LPXN: variants seen among roughly 807,000 people sequenced by gnomAD.
LPXN encodes the protein leupaxin.
LPXN carries 28 observed loss-of-function variants against 45.6 expected under a neutral mutation model. That is an observed-to-expected ratio of 0.61 (90% confidence interval 0.45 to 0.84). The LOEUF is 0.84. LPXN is among the 40% of genes least tolerant of loss of function. LPXN has a pLI of 0.00. For missense variants in LPXN, 459 were observed against 475.0 expected (o/e 0.97, Z 0.31); for synonymous variants, 166 against 169.9 (o/e 0.98, Z 0.18).
At chr11:58,558,101 G>T (rs1176380674) in intron 3 of LPXN, among the ~76,000 whole-genome samples, 3 of 151,854 alleles carry the variant, frequency 2.0e-5, no homozygotes, top group Non-Finnish European at 4.4e-5. Context: ...TTGGGACCTG[G>T]AGTTGCGAAC....
At chr11:58,544,736 G>GT (rs1370493616) in intron 7 of LPXN, among the ~76,000 whole-genome samples, 5 of 152,126 alleles carry the variant, frequency 3.3e-5, no homozygotes, top group Admixed American at 6.6e-5. Flanking sequence ...ACAATTAAAA[G>GT]TGCCACAAAA....
intron 7 of LPXN, among the ~76,000 whole-genome samples, chr11:58,531,928 T>G (rs1369484686): frequency 6.6e-6 from 1 of 152,330 alleles, no homozygotes; most frequent in Non-Finnish European, 1.5e-5. Flanking sequence ...CAGCTCCCTC[T>G]GCCTGCGGGG....
chr11:58,555,930 A>T (rs912246193), intron 3 of LPXN, among the ~76,000 whole-genome samples: 1 of 152,130 alleles, frequency 6.6e-6, no homozygotes, highest in Non-Finnish European at 1.5e-5. Context: ...AAATAATTCA[A>T]CAGAAGGAAT....
intron 7 of LPXN, among the ~76,000 whole-genome samples, chr11:58,549,166 C>A (rs1168481639): frequency 6.6e-6 from 1 of 152,188 alleles, no homozygotes; most frequent in African/African-American, 2.4e-5. Flanking sequence ...GAGGCCAAGG[C>A]GGGCGGATCA....
At chr11:58,559,600 G>T (rs1325031048) in intron 3 of LPXN, among the ~76,000 whole-genome samples, 9 of 152,164 alleles carry the variant, frequency 5.9e-5, no homozygotes, top group Non-Finnish European at 1.3e-4. Context: ...TTCCAGCCTG[G>T]TGCAGTCACT....
intron 8 of LPXN, 121 bp downstream of exon 8, chr11:58,527,922 A>G: frequency 1.6e-6 from 2 of 1,236,356 alleles, no homozygotes; most frequent in South Asian, 1.4e-5. Flanking sequence ...TTTCTCCTTT[A>G]GGATGCGCAC....
At position 58,551,239 on chromosome 11, in the gene LPXN, C is replaced by A; in HGVS notation, c.319-7G>T. On this transcript the variant is annotated splice_region_variant and splice_polypyrimidine_tract_variant and intron_variant, in intron 4 of 8. Coordinates refer to ENST00000395074, the MANE Select transcript of LPXN (RefSeq NM_004811.3). ...CATCTGCTCTCACTGCAACCTGGCCCAAGGGAAGAACCAAGAACAGAATCA... is the reference window on the plus strand; with the variant it reads ...CATCTGCTCTCACTGCAACCTGGCCAAAGGGAAGAACCAAGAACAGAATCA... The A allele has an allele frequency of 6.3e-7, 1 of 1,597,196 alleles. No homozygotes were observed. Among genetic ancestry groups the A allele is most frequent in the Admixed American group, 1.8e-5 (1 of 56,424 alleles).
chr11:58,537,878 C>G (rs1447793629), intron 7 of LPXN, among the ~76,000 whole-genome samples: 5 of 148,980 alleles, frequency 3.4e-5, no homozygotes, highest in Middle Eastern at 3.5e-3. Flanking sequence ...CCCATTAACT[C>G]GTCATTTAGC....
rs758095279 is a variant in LPXN, at chr11:58,550,049, C to A, written c.584G>T (p.Gly195Val). 21 of 1,614,056 alleles carry A rather than the reference C, an allele frequency of 1.3e-5. No individual in the cohort carries two copies. The highest frequency in any genetic ancestry group is 1.5e-5 in the Non-Finnish European group (18 of 1,180,004). ...GTAGTCGTTGGGGCAGTAGGCCAAG[C>A]CACTCCGCTCAAAGAAGGGACTGGA... ...IGSSPFFERS[G>V]LAYCPNDYHQ... is the part of the protein sequence containing the mutation. Residue 195 changes from glycine (G) to valine (V), a missense_variant, in exon 6 of 9, where the codon GGC (glycine) becomes GTC (valine). Physicochemically the swap from Gly to Val is moderately radical, Grantham distance 109. Transcript: ENST00000395074.
In LPXN at chr11:58,564,209, A is replaced by G; in HGVS notation, c.172-8T>C. The G allele has an allele frequency of 6.3e-7, 1 of 1,594,888 alleles. No homozygotes were observed. The highest frequency in any genetic ancestry group is 8.6e-7 in the Non-Finnish European group (1 of 1,166,142). On this transcript the variant is annotated splice_polypyrimidine_tract_variant and splice_region_variant and intron_variant, in intron 2 of 8. Coordinates refer to ENST00000395074, the MANE Select transcript of LPXN (RefSeq NM_004811.3). ...AGTATACACGAGCTGCGCCTAAGAT[A>G]TATAAGTGACAAGAGAAGAGCAAAG...
intron 2 of LPXN, among the ~76,000 whole-genome samples, chr11:58,569,087 T>C (rs770761288): frequency 6.6e-6 from 1 of 152,178 alleles, no homozygotes; most frequent in Non-Finnish European, 1.5e-5. Context: ...ATTGTGTATG[T>C]GTCTGGAGAA....
At chr11:58,547,298 C>T (rs1853903669) in intron 7 of LPXN, among the ~76,000 whole-genome samples, 1 of 152,090 alleles carries the variant, frequency 6.6e-6, no homozygotes, top group Admixed American at 6.5e-5. Context: ...ACAATGAAAG[C>T]CCCTTGAAAA....
At chr11:58,539,260 T>C (rs1853645078) in intron 7 of LPXN, among the ~76,000 whole-genome samples, 2 of 152,196 alleles carry the variant, frequency 1.3e-5, no homozygotes, top group South Asian at 4.1e-4. Flanking sequence ...TAGCAAGCTA[T>C]GATAGCACCT....
upstream of LPXN, among the ~76,000 whole-genome samples, chr11:58,576,858 A>G (rs185421625): frequency 2.6e-5 from 4 of 152,166 alleles, no homozygotes; most frequent in African/African-American, 7.2e-5. Context: ...GTAACCTCCA[A>G]CTCGAACTCC....
intron 7 of LPXN, among the ~76,000 whole-genome samples, chr11:58,542,448 G>GT (rs947838335): frequency 4.0e-5 from 6 of 151,012 alleles, no homozygotes; most frequent in Middle Eastern, 3.3e-3. Flanking sequence ...CTACATCAAG[G>GT]TTTTTTTTAA....
Position 58,549,835 on chromosome 11 carries a change from G to T in LPXN, c.693C>A (p.His231Gln). 6.2e-7 allele frequency: 1 copy of T among 1,614,172 alleles called. No homozygotes were observed. The highest frequency in any genetic ancestry group is 8.5e-7 in the Non-Finnish European group (1 of 1,180,030). ...AGTGAGAGCAGAAGAAGTGCTCTGG[G>T]TGCCAGGTCTGGTTCATTGCTGTCA... ...KVLTAMNQTW[H>Q]PEHFFCSHCG... is the part of the protein sequence containing the mutation. The change falls in exon 7 of 9, where the codon CAC (histidine) becomes CAA (glutamine). Residue 231 changes from histidine to glutamine, a missense_variant. Coordinates refer to ENST00000395074, the MANE Select transcript of LPXN (RefSeq NM_004811.3).
chr11:58,532,440 T>A (rs978705638), intron 7 of LPXN, among the ~76,000 whole-genome samples: 1 of 152,252 alleles, frequency 6.6e-6, no homozygotes, highest in African/African-American at 2.4e-5. Context: ...CTTTTATGTC[T>A]AGCTAGAGGA....
chr11:58,557,759 G>A (rs1211576597), intron 3 of LPXN, among the ~76,000 whole-genome samples: 3 of 152,098 alleles, frequency 2.0e-5, no homozygotes, highest in Non-Finnish European at 2.9e-5. Flanking sequence ...TAATAAATAT[G>A]TTAATTTGCC....
At chr11:58,559,407 C>T (rs1278705812) in intron 3 of LPXN, among the ~76,000 whole-genome samples, 1 of 152,032 alleles carries the variant, frequency 6.6e-6, no homozygotes, top group African/African-American at 2.4e-5. Flanking sequence ...TATTAGGGTA[C>T]ATTTTCTATG....
Sources: gnomAD v4.1 joint callset for allele counts (sites outside exome capture counted in the v4.1 genomes callset) on GRCh38, gnomAD v4.1.1 for gene constraint, MANE v1.5 for transcripts, NCBI Gene and HGNC (gene_info 2026-07-23, HGNC 2026-07-21) for gene names.